JAM2: variants seen among roughly 807,000 people sequenced by gnomAD.
JAM2 encodes junctional adhesion molecule B.
JAM2 carries 17 observed loss-of-function variants against 42.0 expected under a neutral mutation model. That is an observed-to-expected ratio of 0.40 (90% CI 0.28 to 0.61). The LOEUF (loss-of-function observed/expected upper bound fraction) is 0.61. Among genes scored for constraint, JAM2 ranks in the 20% least tolerant of loss-of-function variants. The probability of loss-of-function intolerance (pLI) is 0.37; values close to 1 mark genes in which losing one functional copy is unlikely to be tolerated. For missense variants in JAM2, 319 were observed against 358.3 expected (o/e 0.89, Z 0.89); for synonymous variants, 118 against 128.6 (o/e 0.92, Z 0.56).
rs1400185062 is a variant in JAM2 at position 25,716,187 on chromosome 21, G to GT, written c.*1515_*1516insT. On this transcript the variant is annotated 3_prime_UTR_variant, in exon 10 of 10. Transcript: ENST00000480456. ...TAATTTTTGTATTTTAGTAGAGAAG[G>GT]GTTTCACCATGTTGGCCAGGCTGGT... 6.6e-6 allele frequency: 1 copy of GT among 152,114 alleles called. No individual in the cohort carries two copies. Among genetic ancestry groups the GT allele is most frequent in the Non-Finnish European group, 1.5e-5 (1 of 68,182 alleles). 9.4% of individuals were successfully genotyped at this position (152,114 alleles called of 1,614,324 possible).
intron 6 of JAM2, among the ~76,000 whole-genome samples, chr21:25,702,957 A>G (rs566735686): frequency 4.3e-4 from 66 of 152,142 alleles, no homozygotes; most frequent in Non-Finnish European, 6.6e-4. Context: ...GGTTCATGCA[A>G]TTCTCCTGCC....
At chr21:25,677,272 C>A (rs2033520568) in intron 1 of JAM2, among the ~76,000 whole-genome samples, 1 of 151,898 alleles carries the variant, frequency 6.6e-6, no homozygotes, top group African/African-American at 2.4e-5. Context: ...AAGCTAATTC[C>A]CTTTATAATT....
chr21:25,672,221 A>G (rs1410566641), intron 1 of JAM2, among the ~76,000 whole-genome samples: 1 of 151,962 alleles, frequency 6.6e-6, no homozygotes, highest in Non-Finnish European at 1.5e-5. Flanking sequence ...AGTAACTGGG[A>G]TTACAGGTGC....
At chr21:25,698,973 C>A in intron 5 of JAM2, 94 bp downstream of exon 5, 2 of 1,096,312 alleles carry the variant, frequency 1.8e-6, no homozygotes, top group Non-Finnish European at 2.7e-6. Flanking sequence ...AGAGCTGATA[C>A]CATTGCTTGC....
rs777931091 is a variant in JAM2 at position 25,698,682 on chromosome 21, C to A, written c.400C>A (p.Pro134Thr). The A allele has an allele frequency of 5.6e-6, 9 of 1,613,310 alleles. No homozygotes were observed. The highest frequency in any genetic ancestry group is 7.6e-6 in the Non-Finnish European group (9 of 1,179,490). Reference protein sequence around the residue: ...DTVTLEVLVAPAVPSCEVPSS... With the variant: ...DTVTLEVLVATAVPSCEVPSS... ...ATTTGACTTCCATTGTTCAGTGGCT[C>A]CAGCAGTTCCATCATGTGAAGTACC... is the stretch of plus-strand genomic sequence containing the variant. Residue 134 changes from proline to threonine, a missense_variant, in exon 5 of 10, where the codon CCA (proline) becomes ACA (threonine). Coordinates refer to ENST00000480456, the MANE Select transcript of JAM2 (RefSeq NM_021219.4).
intron 5 of JAM2, 57 bp from the exon 6 acceptor site, chr21:25,702,113 A>G: frequency 2.2e-6 from 2 of 913,522 alleles, no homozygotes; most frequent in South Asian, 2.2e-5. Context: ...GGGTTATTTA[A>G]AAAGTCTACT....
chr21:25,681,826 C>T (rs527641536), intron 1 of JAM2, among the ~76,000 whole-genome samples: 1 of 152,068 alleles, frequency 6.6e-6, no homozygotes, highest in African/African-American at 2.4e-5. Context: ...ACTAAAAATA[C>T]AAAAAATTAG....
At chr21:25,697,360 T>A (rs569899333) in intron 4 of JAM2, among the ~76,000 whole-genome samples, 1 of 152,310 alleles carries the variant, frequency 6.6e-6, no homozygotes, top group East Asian at 1.9e-4. Flanking sequence ...AGTGTATTTA[T>A]ACCAAGGACT....
intron 1 of JAM2, among the ~76,000 whole-genome samples, chr21:25,674,008 A>T (rs1243165362): frequency 2.0e-5 from 3 of 152,164 alleles, no homozygotes; most frequent in Non-Finnish European, 2.9e-5. Context: ...GACTGCCGCC[A>T]TGTAAGATGT....
intron 1 of JAM2, among the ~76,000 whole-genome samples, chr21:25,646,975 G>A (rs994449797): frequency 5.9e-5 from 9 of 152,138 alleles, no homozygotes; most frequent in Non-Finnish European, 1.0e-4. Context: ...AATTTAGGAC[G>A]GGCTTGTCTT....
Position 25,683,770 on chromosome 21 carries a change from G to A in JAM2, c.68-113G>A, listed in dbSNP as rs1301594140. The A allele has an allele frequency of 5.7e-6, 4 of 705,138 alleles. No homozygotes were observed. In the Admixed American group the frequency reaches 8.5e-5, roughly 15 times the overall value. The allele number at this position is 705,138 out of a possible 1,614,324, so 43.7% of individuals were successfully genotyped here. A position where few individuals can be genotyped will look rare whatever the true frequency, so the allele number is the denominator to read the frequency against. On this transcript the variant is annotated intron_variant, in intron 1 of 9. Coordinates refer to ENST00000480456, the MANE Select transcript of JAM2 (RefSeq NM_021219.4). ...TTTAAAACTATGTGTTATGAATTGG[G>A]TAAACTTGTCACCAAACTTTAGGAC...
At chr21:25,672,913 C>T (rs1228571407) in intron 1 of JAM2, among the ~76,000 whole-genome samples, 5 of 152,226 alleles carry the variant, frequency 3.3e-5, no homozygotes, top group African/African-American at 1.2e-4. Context: ...CCATGGCTTC[C>T]ACTGAGTATG....
chr21:25,699,583 C>A (rs1315649403), intron 5 of JAM2, among the ~76,000 whole-genome samples: 3 of 151,854 alleles, frequency 2.0e-5, no homozygotes, highest in Non-Finnish European at 2.9e-5. Context: ...CTTAGCCGGG[C>A]GTGGTGGCGG....
chr21:25,710,372 G>A (rs1229705488), intron 8 of JAM2, among the ~76,000 whole-genome samples: 1 of 152,040 alleles, frequency 6.6e-6, no homozygotes. Context: ...GAGAAAGGCA[G>A]AAAATAAACA....
chr21:25,715,878 T>A lies in JAM2; in HGVS notation c.*1206T>A, dbSNP rs184170160. On this transcript the variant is annotated 3_prime_UTR_variant, in exon 10 of 10. Transcript: ENST00000480456. ...ACTTCTTTTAATTACTGAATTGATA[T>A]TAAAAACAAAATATGGCTAGGGCAT... The A allele has an allele frequency of 6.7e-4, 102 of 152,330 alleles. 1 individual carries two copies. Among genetic ancestry groups the A allele is most frequent in the African/African-American group, 2.2e-3 (93 of 41,566 alleles). 9.4% of individuals were successfully genotyped at this position (152,330 alleles called of 1,614,324 possible).
intron 8 of JAM2, among the ~76,000 whole-genome samples, chr21:25,711,143 T>C (rs1391798765): frequency 6.6e-6 from 1 of 152,174 alleles, no homozygotes; most frequent in Non-Finnish European, 1.5e-5. Flanking sequence ...GGAGTGGTGA[T>C]GGGAATAAGT....
intron 1 of JAM2, among the ~76,000 whole-genome samples, chr21:25,648,769 G>T (rs2032685851): frequency 6.6e-6 from 1 of 152,144 alleles, no homozygotes; most frequent in Non-Finnish European, 1.5e-5. Context: ...TCTGTATTGT[G>T]AGCTTGCTGG....
chr21:25,696,343 G>A (rs2034033064), intron 4 of JAM2, among the ~76,000 whole-genome samples: 1 of 152,210 alleles, frequency 6.6e-6, no homozygotes, highest in African/African-American at 2.4e-5. Flanking sequence ...CAGCAGTACA[G>A]TCCAGCTTCC....
chr21:25,642,052 C>T (rs1600981637), intron 1 of JAM2, among the ~76,000 whole-genome samples: 1 of 152,056 alleles, frequency 6.6e-6, no homozygotes, highest in Non-Finnish European at 1.5e-5. Context: ...GGGAACATAC[C>T]GTACACATGA....
Sources: allele counts gnomAD v4.1 joint callset (sites outside exome capture counted in the v4.1 genomes callset), GRCh38; gene constraint gnomAD v4.1.1; transcripts MANE v1.5; gene names NCBI Gene and HGNC (gene_info 2026-07-23, HGNC 2026-07-21).